Variants in KYNU observed in about 807,000 individuals in gnomAD.
The protein encoded by KYNU is kynureninase, also known as L-kynurenine hydrolase.
KYNU carries 54 observed loss-of-function variants against 59.2 expected under a neutral mutation model. That is an observed-to-expected ratio of 0.91 (90% CI 0.73 to 1.14). KYNU has a LOEUF of 1.14. KYNU is among the 50% of genes most tolerant of loss of function. The pLI is 0.00. For synonymous variants in KYNU, 177 were observed against 192.0 expected (o/e 0.92, Z 0.65); for missense variants, 567 against 554.4 (o/e 1.02, Z -0.23).
intron 11 of KYNU, among the ~76,000 whole-genome samples, chr2:143,032,422 C>A (rs1350053520): frequency 6.6e-6 from 1 of 152,104 alleles, no homozygotes; most frequent in African/African-American, 2.4e-5. Flanking sequence ...CAGGTCCCAC[C>A]CTCGACATAT....
At chr2:142,887,531 C>G (rs1055786760) in intron 2 of KYNU, among the ~76,000 whole-genome samples, 2 of 152,032 alleles carry the variant, frequency 1.3e-5, no homozygotes, top group Middle Eastern at 3.2e-3. Flanking sequence ...TTCATAATAG[C>G]CAAAAGGTGG....
At position 142,985,983 on chromosome 2, in the gene KYNU, C is replaced by A; in HGVS notation, c.864C>A (p.Ala288=). 6.2e-7 allele frequency: 1 copy of A among 1,610,762 alleles called. No individual in the cohort carries two copies. The highest frequency in any genetic ancestry group is 8.5e-7 in the Non-Finnish European group (1 of 1,177,774). The change falls in exon 10 of 14, where the codon GCC becomes GCA. Residue 288 remains alanine (A), a synonymous_variant. Coordinates refer to ENST00000264170, the MANE Select transcript of KYNU (RefSeq NM_003937.3). ...CAGGAGCAGGAGGAATTGCTGGTGCCTTCATTCATGAAAAGCATGCCCATA... is the reference window on the plus strand; with the variant it reads ...CAGGAGCAGGAGGAATTGCTGGTGCATTCATTCATGAAAAGCATGCCCATA... ...LNAGAGGIAG[A]FIHEKHAHTI...
chr2:142,932,446 C>T (rs1683253370), intron 4 of KYNU, among the ~76,000 whole-genome samples: 1 of 152,008 alleles, frequency 6.6e-6, no homozygotes, highest in Non-Finnish European at 1.5e-5. Flanking sequence ...GCATTTCCAG[C>T]CGATATGTGA....
intron 10 of KYNU, among the ~76,000 whole-genome samples, chr2:143,006,614 A>G (rs1282019597): frequency 7.0e-6 from 1 of 142,812 alleles, no homozygotes; most frequent in Non-Finnish European, 1.5e-5. Context: ...GGCACAGACA[A>G]ACAAAAAGAC....
intron 2 of KYNU, among the ~76,000 whole-genome samples, chr2:142,889,400 CAT>C (rs1312760221): frequency 6.6e-6 from 1 of 152,078 alleles, no homozygotes; most frequent in African/African-American, 2.4e-5. Context: ...GGACACCTGT[CAT>C]ATGAAAGTCT....
intron 4 of KYNU, among the ~76,000 whole-genome samples, chr2:142,949,731 C>T (rs1267884936): frequency 6.6e-6 from 1 of 152,236 alleles, no homozygotes; most frequent in Non-Finnish European, 1.5e-5. Flanking sequence ...AGACCTCTGA[C>T]ATGCCCTGGA....
At chr2:142,977,196 G>A (rs1684913343) in intron 8 of KYNU, among the ~76,000 whole-genome samples, 1 of 152,006 alleles carries the variant, frequency 6.6e-6, no homozygotes, top group Admixed American at 6.6e-5. Flanking sequence ...TGGCCAAGAG[G>A]AGGGGTCCAT....
At chr2:142,896,915 C>G (rs1290595632) in intron 2 of KYNU, among the ~76,000 whole-genome samples, 1 of 152,178 alleles carries the variant, frequency 6.6e-6, no homozygotes, top group Non-Finnish European at 1.5e-5. Flanking sequence ...AAGATTTTAA[C>G]TTTGAGGATG....
intron 10 of KYNU, among the ~76,000 whole-genome samples, chr2:143,020,244 C>T (rs1686367477): frequency 6.6e-6 from 1 of 151,922 alleles, no homozygotes; most frequent in South Asian, 2.1e-4. Flanking sequence ...CTACTTTCTA[C>T]TTTTTTGATG....
chr2:142,929,027 A>T, intron 4 of KYNU, among the ~76,000 whole-genome samples: 1 of 144,036 alleles, frequency 6.9e-6, no homozygotes, highest in East Asian at 2.0e-4. Flanking sequence ...AAAAAAAAAC[A>T]AAAAACGAAC....
At chr2:142,891,974 G>A (rs115853118) in intron 2 of KYNU, among the ~76,000 whole-genome samples, 122 of 151,940 alleles carry the variant, frequency 8.0e-4, no homozygotes, top group African/African-American at 2.9e-3. Flanking sequence ...GTGTAGTGGT[G>A]CAATTTTGAC....
At chr2:143,021,485 C>T (rs1050399045) in intron 10 of KYNU, among the ~76,000 whole-genome samples, 6 of 152,036 alleles carry the variant, frequency 3.9e-5, no homozygotes, top group African/African-American at 7.2e-5. Flanking sequence ...TCAATTGGCT[C>T]GTGGTTCTGC....
Position 142,912,551 on chromosome 2 carries a change from G to C in KYNU, c.170-6058G>C, listed in dbSNP as rs186071915. ...TGTGCCACCGCACCCAGCTAATTTTGTATTTTTAGTAGAGATGGAGTTTCT... is the reference window on the plus strand; with the variant it reads ...TGTGCCACCGCACCCAGCTAATTTTCTATTTTTAGTAGAGATGGAGTTTCT... On this transcript the variant is annotated intron_variant, in intron 2 of 13. Transcript: ENST00000264170. Among the ~76,000 whole-genome samples the C allele has an allele frequency of 7.8e-3, 1,169 of 150,398 alleles. 10 individuals are homozygous for C. Among genetic ancestry groups the C allele is most frequent in the Middle Eastern group, 0.021 (6 of 290 alleles).
intron 8 of KYNU, among the ~76,000 whole-genome samples, chr2:142,983,855 C>T (rs1424244536): frequency 2.0e-5 from 3 of 151,952 alleles, no homozygotes; most frequent in East Asian, 1.9e-4. Context: ...TATGGCAAAT[C>T]GTATTAGCAC....
In KYNU at chr2:142,971,729, A is replaced by G. The variant is rs186367554; in HGVS notation, c.729+10959A>G. On this transcript the variant is annotated intron_variant, in intron 8 of 13. Transcript: ENST00000264170. Reference sequence around the variant, plus strand: ...GACAAGTGAATGTATAAATGTGTGTACATCAGCAGTCAAGTGGACCAGGTT... The same window carrying G: ...GACAAGTGAATGTATAAATGTGTGTGCATCAGCAGTCAAGTGGACCAGGTT... Among the ~76,000 whole-genome samples the G allele has an allele frequency of 3.8e-3, 575 of 152,356 alleles. 8 individuals are homozygous for G. The highest frequency in any genetic ancestry group is 0.013 in the African/African-American group (548 of 41,580).
intron 3 of KYNU, among the ~76,000 whole-genome samples, chr2:142,927,335 A>C (rs1683075701): frequency 5.3e-5 from 8 of 152,204 alleles, no homozygotes; most frequent in Admixed American, 5.2e-4. Context: ...CAGGTATAAA[A>C]GTAGTGTTCA....
At chr2:142,925,309 T>G (rs1186843526) in intron 3 of KYNU, among the ~76,000 whole-genome samples, 2 of 152,152 alleles carry the variant, frequency 1.3e-5, no homozygotes, top group East Asian at 3.9e-4. Context: ...AACTAACAAT[T>G]GCCCCTCTCT....
chr2:142,906,939 T>C (rs2104960403), intron 2 of KYNU, among the ~76,000 whole-genome samples: 1 of 152,300 alleles, frequency 6.6e-6, no homozygotes, highest in Non-Finnish European at 1.5e-5. Flanking sequence ...CAGAAGTTGT[T>C]AGAAAGCCTT....
intron 10 of KYNU, among the ~76,000 whole-genome samples, chr2:143,006,715 T>G (rs1371882648): frequency 6.6e-6 from 1 of 151,542 alleles, no homozygotes; most frequent in Admixed American, 6.6e-5. Context: ...ATCTGAGAAC[T>G]GGCAGACTGC....
Sources: allele counts gnomAD v4.1 joint callset (sites outside exome capture counted in the v4.1 genomes callset), GRCh38; gene constraint gnomAD v4.1.1; transcripts MANE v1.5; gene names NCBI Gene and HGNC (gene_info 2026-07-23, HGNC 2026-07-21).